ATP8A2: variants seen among roughly 807,000 people sequenced by gnomAD.
The protein encoded by ATP8A2 is phospholipid-transporting ATPase IB.
ATP8A2 carries 100 observed loss-of-function variants against 165.6 expected under a neutral mutation model. The observed-to-expected ratio is 0.60, with a 90% CI of 0.51 to 0.71. The LOEUF (loss-of-function observed/expected upper bound fraction) is 0.71. Among genes scored for constraint, ATP8A2 ranks in the 30% least tolerant of loss-of-function variants. ATP8A2 has a pLI of 0.00. For missense variants in ATP8A2, 1,227 were observed against 1,479.5 expected, an observed-to-expected ratio of 0.83 and a Z score of 2.80; for synonymous variants, 543 against 548.8, an observed-to-expected ratio of 0.99 and a Z score of 0.15.
chr13:25,450,936 A>T lies in ATP8A2; in HGVS notation c.77-18041A>T, dbSNP rs367612102. Among the ~76,000 whole-genome samples, 634 of 152,130 alleles carry T rather than the reference A, an allele frequency of 4.2e-3. 3 individuals carry two copies. The highest frequency in any genetic ancestry group is 0.012 in the South Asian group (57 of 4,810). ...CTGTGCTGGGCCTTGATGTGTTTTT[A>T]AAAAATATTTTGTTTGGTGATCATT... On this transcript the variant is annotated intron_variant, in intron 1 of 36. Coordinates refer to ENST00000381655, the MANE Select transcript of ATP8A2 (RefSeq NM_016529.6).
intron 26 of ATP8A2, among the ~76,000 whole-genome samples, chr13:25,774,361 A>T (rs1261131532): frequency 6.6e-6 from 1 of 152,164 alleles, no homozygotes; most frequent in Non-Finnish European, 1.5e-5. Context: ...CTGAACAATG[A>T]GAACACATGG....
At chr13:25,507,260 TGTGTATTTTG>T in intron 2 of ATP8A2, among the ~76,000 whole-genome samples, 1 of 73,866 alleles carries the variant, frequency 1.4e-5, no homozygotes, top group South Asian at 4.7e-4. Context: ...TGTGTGTGTG[TGTGTATTTTG>T]TTGTTGTTGT....
At chr13:25,490,890 C>A (rs1241185534) in intron 2 of ATP8A2, among the ~76,000 whole-genome samples, 1 of 151,776 alleles carries the variant, frequency 6.6e-6, no homozygotes, top group Non-Finnish European at 1.5e-5. Flanking sequence ...TATAGGCACA[C>A]GTCACCATGC....
At chr13:25,802,630 T>C (rs1222435653) in intron 27 of ATP8A2, among the ~76,000 whole-genome samples, 1 of 152,186 alleles carries the variant, frequency 6.6e-6, no homozygotes, top group African/African-American at 2.4e-5. Flanking sequence ...TCAGTTCTGA[T>C]TGAGTTGTAA....
chr13:25,736,687 G>A (rs1250271774), intron 25 of ATP8A2, among the ~76,000 whole-genome samples: 2 of 152,150 alleles, frequency 1.3e-5, no homozygotes, highest in African/African-American at 2.4e-5. Context: ...AATGAATGTG[G>A]CTCTGTTCCA....
intron 35 of ATP8A2, among the ~76,000 whole-genome samples, chr13:26,006,595 G>C (rs968123893): frequency 4.6e-5 from 7 of 151,876 alleles, no homozygotes; most frequent in African/African-American, 1.7e-4. Context: ...TCTTGAACAT[G>C]GAAAGATGGC....
At chr13:25,482,366 C>T (rs879643211) in intron 2 of ATP8A2, among the ~76,000 whole-genome samples, 6 of 152,084 alleles carry the variant, frequency 3.9e-5, no homozygotes, top group South Asian at 2.1e-4. Flanking sequence ...ATTGGGGGTG[C>T]GTGGTTAGTG....
chr13:25,859,698 A>T (rs1176075114), intron 30 of ATP8A2, among the ~76,000 whole-genome samples: 1 of 152,238 alleles, frequency 6.6e-6, no homozygotes, highest in Admixed American at 6.5e-5. Context: ...AGATGAGAAC[A>T]TGAGTAATAA....
chr13:25,679,834 A>G (rs1215172250), intron 24 of ATP8A2, among the ~76,000 whole-genome samples: 4 of 152,114 alleles, frequency 2.6e-5, no homozygotes, highest in African/African-American at 7.2e-5. Flanking sequence ...TTGATGCTCT[A>G]TAGATTGAGT....
chr13:25,468,735 C>A, intron 1 of ATP8A2: 3 of 709,574 alleles, frequency 4.2e-6, no homozygotes, highest in Non-Finnish European at 5.2e-6. Flanking sequence ...GGGGCTCGCT[C>A]CACAAGCGCC....
chr13:25,946,656 C>T (rs960530415), intron 33 of ATP8A2, among the ~76,000 whole-genome samples: 2 of 152,202 alleles, frequency 1.3e-5, no homozygotes, highest in African/African-American at 2.4e-5. Context: ...TATCCTGTGG[C>T]ATTACATCTC....
intron 2 of ATP8A2, among the ~76,000 whole-genome samples, chr13:25,509,454 A>C (rs555239258): frequency 6.6e-6 from 1 of 152,284 alleles, no homozygotes; most frequent in South Asian, 2.1e-4. Context: ...CACACAAATA[A>C]AATTAAAAAT....
chr13:25,489,739 A>C (rs1318000732), intron 2 of ATP8A2, among the ~76,000 whole-genome samples: 6 of 152,248 alleles, frequency 3.9e-5, no homozygotes, highest in Non-Finnish European at 8.8e-5. Context: ...CTTATTGAAC[A>C]AAGTAGAACC....
At chr13:25,471,760 T>C (rs74042962) in intron 2 of ATP8A2, among the ~76,000 whole-genome samples, 12,977 of 152,280 alleles carry the variant, frequency 0.085, 891 homozygotes, top group African/African-American at 0.19. Context: ...CGAGTAGCTG[T>C]CTGCTGTGCA....
At chr13:26,010,123 CTCTAGGCGGCA>C (rs773427805) in intron 35 of ATP8A2, among the ~76,000 whole-genome samples, 6 of 152,224 alleles carry the variant, frequency 3.9e-5, no homozygotes, top group Non-Finnish European at 7.3e-5. Flanking sequence ...GCATTCACCA[CTCTAGGCGGCA>C]TCTAGGCGGC....
intron 21 of ATP8A2, among the ~76,000 whole-genome samples, chr13:25,579,153 A>G (rs1458857802): frequency 1.3e-5 from 2 of 152,176 alleles, no homozygotes; most frequent in Non-Finnish European, 2.9e-5. Flanking sequence ...TCCCTTTCTC[A>G]GAAAACTCAT....
intron 25 of ATP8A2, among the ~76,000 whole-genome samples, chr13:25,712,514 C>G (rs1374591745): frequency 6.6e-6 from 1 of 152,184 alleles, no homozygotes; most frequent in African/African-American, 2.4e-5. Flanking sequence ...CTTTGAGCAT[C>G]CTTGCTGAAT....
intron 18 of ATP8A2, among the ~76,000 whole-genome samples, chr13:25,572,487 G>T (rs978049530): frequency 6.6e-6 from 1 of 152,162 alleles, no homozygotes; most frequent in Admixed American, 6.5e-5. Context: ...GAGTCAAGGG[G>T]TTTACATGTT....
chr13:25,994,335 T>C (rs946652241), intron 35 of ATP8A2, among the ~76,000 whole-genome samples: 1 of 152,090 alleles, frequency 6.6e-6, no homozygotes, highest in African/African-American at 2.4e-5. Flanking sequence ...TACAATTTTA[T>C]TACTTCCTTT....
Sources: allele counts gnomAD v4.1 joint callset (sites outside exome capture counted in the v4.1 genomes callset), GRCh38; gene constraint gnomAD v4.1.1; transcripts MANE v1.5; gene names NCBI Gene and HGNC (gene_info 2026-07-23, HGNC 2026-07-21).